RCC1L: variants seen among roughly 807,000 people sequenced by gnomAD.
RCC1L encodes RCC1-like G exchanging factor-like protein.
RCC1L carries 46 observed loss-of-function variants against 58.6 expected under a neutral mutation model. The observed-to-expected ratio is 0.79, with a 90% CI of 0.62 to 1.00. The LOEUF (loss-of-function observed/expected upper bound fraction) is 1.00. RCC1L is among the 50% of genes least tolerant of loss of function. RCC1L has a pLI of 0.00. For missense variants in RCC1L, 636 were observed against 623.6 expected (o/e 1.02, Z -0.21); for synonymous variants, 281 against 262.9 (o/e 1.07, Z -0.67).
chr7:75,042,946 A>AC lies in RCC1L; in HGVS notation c.*85dup, dbSNP rs1805609355. ...GGTCCTCCGCCACCACCATCCAAGA[A>AC]CCCCGGGGGGCTGGCCACGCGCTGG... On this transcript the variant is annotated 3_prime_UTR_variant, in exon 11 of 11. Transcript: ENST00000610322. The AC allele has an allele frequency of 6.2e-7, 1 of 1,603,576 alleles. No individual in the cohort carries two copies. Among genetic ancestry groups the AC allele is most frequent in the Non-Finnish European group, 8.5e-7 (1 of 1,174,564 alleles).
At position 75,070,728 on chromosome 7, in the gene RCC1L, G is replaced by A. The variant is rs1806695574; in HGVS notation, c.366C>T (p.Ser122=). 3 of 1,614,142 alleles carry A rather than the reference G, an allele frequency of 1.9e-6. No homozygotes were observed. In the East Asian group the frequency reaches 6.7e-5, roughly 36 times the overall value. Residue 122 remains serine (S), a synonymous_variant, in exon 2 of 11, where the codon TCC becomes TCT. Coordinates refer to ENST00000610322, the MANE Select transcript of RCC1L (RefSeq NM_030798.5). The stretch of plus-strand genomic sequence containing the variant: ...CTTTCGTAACATCCGCAGTCTTAGA[G>A]GACAGCAGTGTGAATCCATAGCCGC... ...AACGYGFTLL[S]SKTADVTKVW...
downstream of RCC1L, among the ~76,000 whole-genome samples, chr7:75,037,889 C>A (rs1326119155): frequency 6.6e-6 from 1 of 152,236 alleles, no homozygotes; most frequent in Admixed American, 6.5e-5. Flanking sequence ...GCTATCAGGA[C>A]TCCTAACACT....
chr7:75,045,119 C>T (rs1354620552), intron 10 of RCC1L, among the ~76,000 whole-genome samples: 1 of 152,094 alleles, frequency 6.6e-6, no homozygotes, highest in African/African-American at 2.4e-5. Context: ...AGTGATTTTC[C>T]CGCCTTAGCC....
At position 75,052,311 on chromosome 7, in the gene RCC1L, T is replaced by C. The variant is rs1805937454; in HGVS notation, c.1317+400A>G. Among the ~76,000 whole-genome samples the C allele has an allele frequency of 2.0e-5, 3 of 152,196 alleles. 1 individual carries two copies. In the South Asian group the frequency reaches 6.2e-4, roughly 31 times the overall value. ...CCCTCTCCGGAGCCTCATGGCACCC[T>C]ACCAGAGCCTTTGCACCATCGTGCC... is the stretch of plus-strand genomic sequence containing the variant. On this transcript the variant is annotated intron_variant, in intron 10 of 10. Transcript: ENST00000610322.
At chr7:75,028,194 T>G (rs1365140701) in intron 10 of RCC1L, 5 of 958,488 alleles carry the variant, frequency 5.2e-6, no homozygotes, top group Non-Finnish European at 7.5e-6. Context: ...CTCAGCTCAC[T>G]GCAGCAACCT....
chr7:75,062,632 T>C (rs1221199480), intron 5 of RCC1L, among the ~76,000 whole-genome samples: 1 of 152,230 alleles, frequency 6.6e-6, no homozygotes, highest in Non-Finnish European at 1.5e-5. Context: ...GCCTGGCTCA[T>C]GGTAGGTACC....
At chr7:75,036,618 G>C (rs1805435269) in intron 10 of RCC1L, among the ~76,000 whole-genome samples, 1 of 151,990 alleles carries the variant, frequency 6.6e-6, no homozygotes, top group African/African-American at 2.4e-5. Context: ...CCGGGGCCAG[G>C]TGCGGTAGCT....
At chr7:75,070,591 CT>C (rs1806686829) in intron 2 of RCC1L, 48 bp downstream of exon 2, 5 of 1,598,478 alleles carry the variant, frequency 3.1e-6, no homozygotes, top group East Asian at 4.5e-5. Context: ...AAAAAAAGAG[CT>C]TTCTCAGACC....
In RCC1L at chr7:75,056,051, C is replaced by A; in HGVS notation, c.1081G>T (p.Gly361Cys). The change falls in exon 9 of 11, where the codon GGC becomes TGC. Residue 361 changes from glycine (G) to cysteine (C), a missense_variant. Physicochemically the swap from Gly to Cys is radical, Grantham distance 159. Coordinates refer to ENST00000610322, the MANE Select transcript of RCC1L (RefSeq NM_030798.5). ...GGACCTTTCCCAAGAATTCCATAGC[C>A]CCAGACAAAAACATGTCCTTCTCCT... ...LNGEGHVFVWGYGILGKGPNL... is the reference protein window; with the variant it reads ...LNGEGHVFVWCYGILGKGPNL... 1 of 1,613,906 alleles carries A rather than the reference C, an allele frequency of 6.2e-7. No homozygotes were observed. Among genetic ancestry groups the A allele is most frequent in the Non-Finnish European group, 8.5e-7 (1 of 1,179,862 alleles).
chr7:75,065,457 A>G (rs1806437024), intron 3 of RCC1L, among the ~76,000 whole-genome samples: 1 of 152,162 alleles, frequency 6.6e-6, no homozygotes, highest in African/African-American at 2.4e-5. Flanking sequence ...CGGGAAACTG[A>G]GGCAGGAGAA....
intron 8 of RCC1L, chr7:75,056,858 G>T: frequency 2.2e-6 from 2 of 889,532 alleles, no homozygotes; most frequent in Non-Finnish European, 3.5e-6. Context: ...TCACCGTGTT[G>T]CCCAGTGCAG....
chr7:75,045,000 C>G (rs1014304218), intron 10 of RCC1L, among the ~76,000 whole-genome samples: 1 of 152,194 alleles, frequency 6.6e-6, no homozygotes, highest in Non-Finnish European at 1.5e-5. Context: ...CCAGCCTGAG[C>G]AACAGAGCAA....
intron 10 of RCC1L, among the ~76,000 whole-genome samples, chr7:75,051,353 C>CATATATAT (rs1166805483): frequency 0.013 from 1,950 of 146,968 alleles, 48 homozygotes; most frequent in African/African-American, 0.046. Flanking sequence ...TATACACACA[C>CATATATAT]ACATATATAT....
At chr7:75,031,964 G>A (rs936164284) in intron 10 of RCC1L, among the ~76,000 whole-genome samples, 10 of 152,314 alleles carry the variant, frequency 6.6e-5, no homozygotes, top group South Asian at 4.1e-4. Flanking sequence ...ACAATATGGC[G>A]CCCAGCTTCC....
intron 1 of RCC1L, among the ~76,000 whole-genome samples, chr7:75,072,317 G>A (rs933682505): frequency 4.7e-5 from 7 of 149,714 alleles, no homozygotes; most frequent in Non-Finnish European, 1.0e-4. Context: ...ATGAGCTACC[G>A]CACCTGGCCT....
Position 75,057,595 on chromosome 7 carries a change from G to A in RCC1L, c.991C>T (p.His331Tyr), listed in dbSNP as rs1806122316. ...STQVNVPRCL[H>Y]FSGVGKVRQA... ...CGCACCTTCCCCACTCCTGAGAAGTGTAAGCAGCGGGGCACATTCACCTGA... is the reference window on the plus strand; with the variant it reads ...CGCACCTTCCCCACTCCTGAGAAGTATAAGCAGCGGGGCACATTCACCTGA... The change falls in exon 8 of 11, where the codon CAC becomes TAC. Residue 331 changes from histidine to tyrosine, a missense_variant. Transcript: ENST00000610322. The A allele has an allele frequency of 6.2e-7, 1 of 1,613,820 alleles. No individual in the cohort carries two copies. The highest frequency in any genetic ancestry group is 8.5e-7 in the Non-Finnish European group (1 of 1,179,862).
chr7:75,030,898 C>T (rs1805284365), intron 10 of RCC1L, among the ~76,000 whole-genome samples: 2 of 152,186 alleles, frequency 1.3e-5, no homozygotes, highest in African/African-American at 4.8e-5. Flanking sequence ...ACTCCCTCAT[C>T]TACTGGGGCT....
intron 10 of RCC1L, among the ~76,000 whole-genome samples, chr7:75,035,339 T>C (rs1363752143): frequency 2.6e-5 from 4 of 152,158 alleles, no homozygotes; most frequent in Non-Finnish European, 5.9e-5. Flanking sequence ...CCTGGGTCCC[T>C]ACTTTAGCAG....
At chr7:75,040,321 G>A (rs1805524574), downstream of RCC1L, among the ~76,000 whole-genome samples, 1 of 152,288 alleles carries the variant, frequency 6.6e-6, no homozygotes, top group Admixed American at 6.5e-5. Flanking sequence ...TTAGCCGGGC[G>A]TGGTAGTGCA....
Sources: gnomAD v4.1 joint callset for allele counts (sites outside exome capture counted in the v4.1 genomes callset) on GRCh38, gnomAD v4.1.1 for gene constraint, MANE v1.5 for transcripts, NCBI Gene and HGNC (gene_info 2026-07-23, HGNC 2026-07-21) for gene names.